Variants in MYCN observed in about 807,000 individuals in gnomAD.
MYCN encodes N-myc proto-oncogene protein.
A neutral mutation model predicts 28.1 loss-of-function variants in MYCN; 3 were observed. The ratio of observed to expected loss-of-function variants is 0.11; its 90% confidence interval spans 0.05 to 0.28. The LOEUF is 0.28. Ranked by LOEUF, MYCN falls within the 10% of genes least tolerant of loss-of-function variation. MYCN has a pLI of 1.00. For synonymous variants in MYCN, 326 were observed against 288.3 expected, an observed-to-expected ratio of 1.13 and a Z score of -1.32; for missense variants, 572 against 651.4, an observed-to-expected ratio of 0.88 and a Z score of 1.33.
At chr2:15,944,495 G>A (rs1160488366) in intron 2 of MYCN, among the ~76,000 whole-genome samples, 1 of 152,204 alleles carries the variant, frequency 6.6e-6, no homozygotes, top group East Asian at 1.9e-4. Context: ...ACTCAGGTTT[G>A]TGGACGAAAA....
rs1181299774 is a variant in MYCN, at chr2:15,942,691, G to C, written c.627G>C (p.Pro209=). ...KREPAPVPAA[P]ASAPAAGPAV... The stretch of plus-strand genomic sequence containing the variant: ...AGCCAGCGCCCGTGCCCGCAGCCCC[G>C]GCCAGTGCCCCGGCGGCGGGCCCTG... Residue 209 remains proline, a synonymous_variant, in exon 2 of 3, where the codon CCG becomes CCC. Coordinates refer to ENST00000281043, the MANE Select transcript of MYCN (RefSeq NM_005378.6). This position sits in a 1 kb window ranked among gnomAD's most constrained non-coding sequence, Gnocchi z 7.0. 1 of 1,189,278 alleles carries C rather than the reference G, an allele frequency of 8.4e-7. No individual in the cohort carries two copies. The allele number at this position is 1,189,278 out of a possible 1,614,324, so 73.7% of individuals were successfully genotyped here.
At chr2:15,943,046 G>T (rs1558534588) in intron 2 of MYCN, among the ~76,000 whole-genome samples, 192 bp downstream of exon 2, 1 of 152,174 alleles carries the variant, frequency 6.6e-6, no homozygotes, top group African/African-American at 2.4e-5. Flanking sequence ...TTGCAAAAGG[G>T]GTGCTCTCCA....
At chr2:15,944,463 GA>G (rs1441210463) in intron 2 of MYCN, among the ~76,000 whole-genome samples, 2 of 152,178 alleles carry the variant, frequency 1.3e-5, no homozygotes, top group Admixed American at 1.3e-4. Context: ...TTTGTTAAAT[GA>G]AAAACTGTTT....
Position 15,942,048 on chromosome 2 carries a change from G to T in MYCN, c.-17G>T, listed in dbSNP as rs41264197. ...GGGCGGAAAGAAGCCCTCAGTCGCC[G>T]GCCGGGAGGCGAGCCGATGCCGAGC... On this transcript the variant is annotated 5_prime_UTR_variant, in exon 2 of 3. Transcript: ENST00000281043. The surrounding 1 kb of genome is among the most constrained non-coding windows in gnomAD (Gnocchi z 7.0). The T allele has an allele frequency of 9.3e-6, 15 of 1,613,212 alleles. No homozygotes were observed. Among genetic ancestry groups the T allele is most frequent in the Non-Finnish European group, 1.3e-5 (15 of 1,179,946 alleles).
chr2:15,941,697 A>T lies in MYCN; in HGVS notation c.-117-251A>T, dbSNP rs1662676646. 2.6e-6 allele frequency: 1 copy of T among 383,816 alleles called. No homozygotes were observed. Among genetic ancestry groups the T allele is most frequent in the Non-Finnish European group, 4.8e-6 (1 of 208,192 alleles). The allele number at this position is 383,816 out of a possible 1,614,324, so 23.8% of individuals were successfully genotyped here. ...GTGTGAATGAAATGGCAGTTTCCAA[A>T]GTTGCGGAGCCTCGCCACCACCCCC... On this transcript the variant is annotated intron_variant, in intron 1 of 2. Transcript: ENST00000281043. This position sits in a 1 kb window ranked among gnomAD's most constrained non-coding sequence, Gnocchi z 4.8.
In MYCN at chr2:15,942,471, A is replaced by G; in HGVS notation, c.407A>G (p.His136Arg). The change falls in exon 2 of 3, where the codon CAC (histidine) becomes CGC (arginine). Residue 136 changes from histidine to arginine, a missense_variant. Around this residue, in one of 3 missense-constraint regions of MYCN, gnomAD observed 499 missense variants for 524.3 expected, o/e 0.95. Coordinates refer to ENST00000281043, the MANE Select transcript of MYCN (RefSeq NM_005378.6). This position sits in a 1 kb window ranked among gnomAD's most constrained non-coding sequence, Gnocchi z 7.0. Reference sequence around the variant, plus strand: ...CGCGCCGTGAGCGAGAAGCTGCAGCACGGCCGCGGGCCGCCAACCGCCGGT... The same window carrying G: ...CGCGCCGTGAGCGAGAAGCTGCAGCGCGGCCGCGGGCCGCCAACCGCCGGT... ...LERAVSEKLQ[H>R]GRGPPTAGST... 1.3e-6 allele frequency: 2 copies of G among 1,573,860 alleles called. No homozygotes were observed. Among genetic ancestry groups the G allele is most frequent in the Non-Finnish European group, 1.7e-6 (2 of 1,165,694 alleles).
Position 15,941,736 on chromosome 2 carries a change from C to T in MYCN, c.-117-212C>T, listed in dbSNP as rs915116287. 1.3e-5 allele frequency: 6 copies of T among 469,390 alleles called. No homozygotes were observed. The highest frequency in any genetic ancestry group is 1.2e-3 in the Middle Eastern group (2 of 1,724). 29.1% of individuals were successfully genotyped at this position (469,390 alleles called of 1,614,324 possible). On this transcript the variant is annotated intron_variant, in intron 1 of 2. Coordinates refer to ENST00000281043, the MANE Select transcript of MYCN (RefSeq NM_005378.6). This position sits in a 1 kb window ranked among gnomAD's most constrained non-coding sequence, Gnocchi z 4.8. ...GCCACCACCCCCTGCATCTGCATGC[C>T]CCCTCCCACCCCCTGTCGTAGACAG...
chr2:15,945,799 A>C lies in MYCN; in HGVS notation c.1097A>C (p.Lys366Thr). The C allele has an allele frequency of 1.2e-6, 2 of 1,613,988 alleles. No individual in the cohort carries two copies. Among genetic ancestry groups the C allele is most frequent in the Non-Finnish European group, 1.7e-6 (2 of 1,180,010 alleles). Reference sequence around the variant, plus strand: ...CCGCTCAAGAGTGTCATCCCCCCAAAGGCTAAGAGCTTGAGCCCCCGAAAC... The same window carrying C: ...CCGCTCAAGAGTGTCATCCCCCCAACGGCTAAGAGCTTGAGCCCCCGAAAC... ...PRPLKSVIPP[K>T]AKSLSPRNSD... The change falls in exon 3 of 3, where the codon AAG becomes ACG. Residue 366 changes from lysine (K) to threonine (T), a missense_variant. Lys to Thr is a moderately conservative substitution (Grantham distance 78). Around this residue, in one of 3 missense-constraint regions of MYCN, gnomAD observed 499 missense variants for 524.3 expected, o/e 0.95. Transcript: ENST00000281043. This position sits in a 1 kb window ranked among gnomAD's most constrained non-coding sequence, Gnocchi z 4.8.
chr2:15,942,385 C>A lies in MYCN; in HGVS notation c.321C>A (p.Pro107=). 1.9e-6 allele frequency: 3 copies of A among 1,607,524 alleles called. No homozygotes were observed. The highest frequency in any genetic ancestry group is 2.5e-6 in the Non-Finnish European group (3 of 1,178,662). The change falls in exon 2 of 3, where the codon CCC becomes CCA. Residue 107 remains proline (P), a synonymous_variant. Coordinates refer to ENST00000281043, the MANE Select transcript of MYCN (RefSeq NM_005378.6). This position sits in a 1 kb window ranked among gnomAD's most constrained non-coding sequence, Gnocchi z 7.0. ...FGLGGLGGLT[P]NPVILQDCMW... Reference sequence around the variant, plus strand: ...TGGGGGGACTGGGTGGCCTCACCCCCAACCCGGTCATCCTCCAGGACTGCA... The same window carrying A: ...TGGGGGGACTGGGTGGCCTCACCCCAAACCCGGTCATCCTCCAGGACTGCA...
At position 15,942,484 on chromosome 2, in the gene MYCN, G is replaced by C. The variant is rs936108797; in HGVS notation, c.420G>C (p.Pro140=). 6.4e-7 allele frequency: 1 copy of C among 1,551,604 alleles called. No individual in the cohort carries two copies. The highest frequency in any genetic ancestry group is 8.7e-7 in the Non-Finnish European group (1 of 1,153,754). ...AGAAGCTGCAGCACGGCCGCGGGCC[G>C]CCAACCGCCGGTTCCACCGCCCAGT... The part of the protein sequence containing the change: ...VSEKLQHGRG[P]PTAGSTAQSP... The change falls in exon 2 of 3, where the codon CCG becomes CCC. Residue 140 remains proline, a synonymous_variant. Coordinates refer to ENST00000281043, the MANE Select transcript of MYCN (RefSeq NM_005378.6). The surrounding 1 kb of genome is among the most constrained non-coding windows in gnomAD (Gnocchi z 7.0).
In MYCN at chr2:15,946,905, G is replaced by A. The variant is rs1420075375; in HGVS notation, c.*808G>A. Reference sequence around the variant, plus strand: ...GTGCATAGAACTGGGTAAATGCAAAGTTCTGTGTTTAATTTCTTCAAAATG... The same window carrying A: ...GTGCATAGAACTGGGTAAATGCAAAATTCTGTGTTTAATTTCTTCAAAATG... On this transcript the variant is annotated 3_prime_UTR_variant, in exon 3 of 3. Transcript: ENST00000281043. The A allele has an allele frequency of 4.6e-6, 1 of 216,318 alleles. No individual in the cohort carries two copies. The highest frequency in any genetic ancestry group is 9.3e-6 in the Non-Finnish European group (1 of 107,256). 13.4% of individuals were successfully genotyped at this position (216,318 alleles called of 1,614,324 possible).
rs865923398 is a variant in MYCN, at chr2:15,942,250, G to C, written c.186G>C (p.Ser62=). ...AGCTGCTGCCCACGCCCCCGCTGTC[G>C]CCCAGCCGTGGCTTCGCGGAGCACA... ...KFELLPTPPL[S]PSRGFAEHSS... is the part of the protein sequence containing the mutation. Residue 62 remains serine, a synonymous_variant, in exon 2 of 3, where the codon TCG becomes TCC. Coordinates refer to ENST00000281043, the MANE Select transcript of MYCN (RefSeq NM_005378.6). The surrounding 1 kb of genome is among the most constrained non-coding windows in gnomAD (Gnocchi z 7.0). 1 of 1,612,630 alleles carries C rather than the reference G, an allele frequency of 6.2e-7. No homozygotes were observed. The highest frequency in any genetic ancestry group is 1.7e-5 in the Admixed American group (1 of 59,970).
Position 15,941,921 on chromosome 2 carries a change from C to T in MYCN, c.-117-27C>T, listed in dbSNP as rs1288637221. The T allele has an allele frequency of 7.7e-6, 8 of 1,042,022 alleles. No individual in the cohort carries two copies. The highest frequency in any genetic ancestry group is 1.1e-5 in the Non-Finnish European group (8 of 708,610). The allele number at this position is 1,042,022 out of a possible 1,614,324, so 64.5% of individuals were successfully genotyped here. On this transcript the variant is annotated intron_variant, in intron 1 of 2. Transcript: ENST00000281043. This position sits in a 1 kb window ranked among gnomAD's most constrained non-coding sequence, Gnocchi z 4.8. ...CCCTCGGTCTGCCCCGTTTGCCCAC[C>T]CTCTCCGGTGTGTCTGTCGGTTGCA...
At chr2:15,943,781 C>T (rs1558535108) in intron 2 of MYCN, among the ~76,000 whole-genome samples, 1 of 152,164 alleles carries the variant, frequency 6.6e-6, no homozygotes, top group Non-Finnish European at 1.5e-5. Flanking sequence ...CCTGGGAGGA[C>T]TCACTGATTA....
chr2:15,941,781 C>T lies in MYCN; in HGVS notation c.-117-167C>T. Reference sequence around the variant, plus strand: ...AGACAGCTTGTACACAAAAGGAGGGCGGGAGGGAGGGAGCGAGAGGCACAA... The same window carrying T: ...AGACAGCTTGTACACAAAAGGAGGGTGGGAGGGAGGGAGCGAGAGGCACAA... On this transcript the variant is annotated intron_variant, in intron 1 of 2. Transcript: ENST00000281043. This position sits in a 1 kb window ranked among gnomAD's most constrained non-coding sequence, Gnocchi z 4.8. The T allele has an allele frequency of 1.9e-6, 1 of 519,314 alleles. No individual in the cohort carries two copies. 32.2% of individuals were successfully genotyped at this position (519,314 alleles called of 1,614,324 possible).
Position 15,946,345 on chromosome 2 carries a change from G to A in MYCN, c.*248G>A. On this transcript the variant is annotated 3_prime_UTR_variant, in exon 3 of 3. Coordinates refer to ENST00000281043, the MANE Select transcript of MYCN (RefSeq NM_005378.6). ...CTCCATGACAGCGCTAAACGTTGGT[G>A]ACGGTTGGGAGCCTCTGGGGCTGTT... 1.8e-6 allele frequency: 1 copy of A among 564,772 alleles called. No homozygotes were observed. Among genetic ancestry groups the A allele is most frequent in the South Asian group, 2.0e-5 (1 of 49,760 alleles). The allele number at this position is 564,772 out of a possible 1,614,324, so 35.0% of individuals were successfully genotyped here. A position where few individuals can be genotyped will look rare whatever the true frequency, so the allele number is the denominator to read the frequency against.
Position 15,945,116 on chromosome 2 carries a change from C to G in MYCN, c.791-377C>G, listed in dbSNP as rs1378799751. ...CCGGGTTCAAGTCATTCTCCTGCCT[C>G]AGCCTCCCGAGTAGCTGGGATTACC... On this transcript the variant is annotated intron_variant, in intron 2 of 2. Transcript: ENST00000281043. This position sits in a 1 kb window ranked among gnomAD's most constrained non-coding sequence, Gnocchi z 4.8. 1.3e-5 allele frequency among the ~76,000 whole-genome samples: 2 copies of G among 152,094 alleles called. No homozygotes were observed. Among genetic ancestry groups the G allele is most frequent in the Non-Finnish European group, 2.9e-5 (2 of 68,036 alleles).
intron 2 of MYCN, among the ~76,000 whole-genome samples, chr2:15,943,838 T>TA (rs909443341): frequency 6.6e-6 from 1 of 152,126 alleles, no homozygotes; most frequent in Non-Finnish European, 1.5e-5. Context: ...AGGGAAGAGT[T>TA]AAAACCAAGC....
In MYCN at chr2:15,946,143, T is replaced by A. The variant is rs1259455331; in HGVS notation, c.*46T>A. On this transcript the variant is annotated 3_prime_UTR_variant, in exon 3 of 3. Coordinates refer to ENST00000281043, the MANE Select transcript of MYCN (RefSeq NM_005378.6). ...GTCACTGCCACTTTGCACATTTTGA[T>A]TTTTTTTTTAAACAAACATTGTGTT... The A allele has an allele frequency of 6.6e-7, 1 of 1,515,832 alleles. No homozygotes were observed. Among genetic ancestry groups the A allele is most frequent in the Admixed American group, 1.8e-5 (1 of 57,024 alleles). The allele number at this position is 1,515,832 out of a possible 1,614,324, so 93.9% of individuals were successfully genotyped here.
Sources: gnomAD v4.1 joint callset for allele counts (sites outside exome capture counted in the v4.1 genomes callset) on GRCh38, gnomAD v4.1.1 for gene constraint, gnomAD v4.1.1 regional missense constraint, Gnocchi (gnomAD v3.1) non-coding constraint, MANE v1.5 for transcripts, NCBI Gene and HGNC (gene_info 2026-07-23, HGNC 2026-07-21) for gene names.